Variants in PTCSC3 observed in about 807,000 individuals in gnomAD.
PTCSC3 encodes papillary thyroid carcinoma susceptibility candidate 3 (non-protein coding).
intron 2 of PTCSC3, among the ~76,000 whole-genome samples, chr14:36,159,404 T>TAAC (rs1881904455): frequency 6.6e-6 from 1 of 151,678 alleles, no homozygotes; most frequent in South Asian, 2.1e-4. Context: ...ATTTCCCTCT[T>TAAC]AACACTGTTT....
At chr14:36,148,981 C>T (rs1030561337) in intron 3 of PTCSC3, among the ~76,000 whole-genome samples, 2 of 151,820 alleles carry the variant, frequency 1.3e-5, no homozygotes, top group Non-Finnish European at 2.9e-5. Flanking sequence ...TATTTCTTCC[C>T]CTTTTTCAAT....
chr14:36,163,107 A>G (rs541276064), intron 1 of PTCSC3, among the ~76,000 whole-genome samples: 3 of 151,866 alleles, frequency 2.0e-5, no homozygotes, highest in East Asian at 1.9e-4. Flanking sequence ...AAAAATAGCC[A>G]TGGTAGGTGG....
rs572336100 is a variant in PTCSC3, at chr14:36,137,883, A to G, written n.323-1527T>C. Reference sequence around the variant, plus strand: ...AGATGATGAGTAGATTATTGGCCGTATGAACCTAGAGTTCAGAGGAAGAAT... The same window carrying G: ...AGATGATGAGTAGATTATTGGCCGTGTGAACCTAGAGTTCAGAGGAAGAAT... On this transcript the variant is annotated intron_variant and non_coding_transcript_variant, in intron 3 of 3. Transcript: ENST00000556013. Among the ~76,000 whole-genome samples the G allele has an allele frequency of 6.6e-5, 10 of 152,302 alleles. No homozygotes were observed. The South Asian group carries it at 2.1e-3, about 32-fold the overall frequency.
At chr14:36,134,897 G>T (rs920319459), downstream of PTCSC3, among the ~76,000 whole-genome samples, 3 of 152,170 alleles carry the variant, frequency 2.0e-5, no homozygotes, top group Non-Finnish European at 2.9e-5. Flanking sequence ...CTGTTTATGG[G>T]CAGGGCATCG....
intron 1 of PTCSC3, among the ~76,000 whole-genome samples, chr14:36,166,769 G>A (rs956219839): frequency 6.6e-6 from 1 of 152,132 alleles, no homozygotes; most frequent in Non-Finnish European, 1.5e-5. Flanking sequence ...CAACTGTGCA[G>A]GGATTGCCAA....
At chr14:36,159,083 TG>T (rs1881892244) in intron 2 of PTCSC3, among the ~76,000 whole-genome samples, 1 of 152,150 alleles carries the variant, frequency 6.6e-6, no homozygotes, top group African/African-American at 2.4e-5. Flanking sequence ...TGTATTTCTG[TG>T]GGATCAGTGG....
At chr14:36,143,970 G>T (rs945054760) in intron 3 of PTCSC3, among the ~76,000 whole-genome samples, 188 of 152,218 alleles carry the variant, frequency 1.2e-3, no homozygotes, top group African/African-American at 3.3e-3. Flanking sequence ...GATAGTTGTA[G>T]TTATGTGGCG....
intron 1 of PTCSC3, among the ~76,000 whole-genome samples, chr14:36,166,606 A>T (rs927261087): frequency 6.6e-6 from 1 of 151,886 alleles, no homozygotes; most frequent in African/African-American, 2.4e-5. Context: ...TGTCTGGGAG[A>T]TATTTCCTTT....
At chr14:36,153,655 A>G (rs1881770173) in intron 3 of PTCSC3, 1 of 152,234 alleles carries the variant, frequency 6.6e-6, no homozygotes, top group Non-Finnish European at 1.5e-5. Context: ...GCACCAGAAG[A>G]CACATTCGAG....
upstream of PTCSC3, chr14:36,176,485 T>C (rs1882283368): frequency 1.3e-5 from 2 of 152,048 alleles, no homozygotes; most frequent in African/African-American, 2.4e-5. Flanking sequence ...CCTCTTTCAG[T>C]TATGAATTCT....
intron 2 of PTCSC3, among the ~76,000 whole-genome samples, chr14:36,154,924 TG>T (rs1261839346): frequency 6.6e-6 from 1 of 152,226 alleles, no homozygotes; most frequent in Non-Finnish European, 1.5e-5. Flanking sequence ...GAATTTTTTC[TG>T]TGACATCTTC....
chr14:36,135,997 C>A (rs559031183), downstream of PTCSC3: 1 of 152,380 alleles, frequency 6.6e-6, no homozygotes, highest in South Asian at 2.1e-4. Flanking sequence ...AGGCTGTCTG[C>A]AAGCTGAGGA....
rs114776267 is a variant in PTCSC3, at chr14:36,157,185, T to A, written n.232-3291A>T. Among the ~76,000 whole-genome samples the A allele has an allele frequency of 3.2e-3, 482 of 152,370 alleles. 2 individuals carry two copies. The highest frequency in any genetic ancestry group is 0.011 in the African/African-American group (455 of 41,588). On this transcript the variant is annotated intron_variant and non_coding_transcript_variant, in intron 2 of 3. Transcript: ENST00000556013. ...ACCAGTGATGACGAACTCTTTTTCA[T>A]GTTTTTCGGCTGCATAAATGTCTCC...
chr14:36,137,153 A>T (rs902056569), intron 3 of PTCSC3, among the ~76,000 whole-genome samples: 2 of 152,192 alleles, frequency 1.3e-5, no homozygotes. Flanking sequence ...GCAGAAACAC[A>T]AAGGGAGGAA....
chr14:36,164,591 TTA>T (rs10551813), intron 1 of PTCSC3, among the ~76,000 whole-genome samples: 93,138 of 149,114 alleles, frequency 0.62, 29,257 homozygotes, highest in Non-Finnish European at 0.7. Context: ...GAACTATTTT[TTA>T]TTTTTTATAA....
rs1555330549 is a variant in PTCSC3 at position 36,142,664 on chromosome 14, T to TTTA, written n.323-6311_323-6309dup. On this transcript the variant is annotated intron_variant and non_coding_transcript_variant, in intron 3 of 3. Transcript: ENST00000556013. The stretch of plus-strand genomic sequence containing the variant: ...TTGCTCATTCAATTTCTTTTTTTTT[T>TTTA]TTATTATTATACTTTAAGTTTTAGG... Among the ~76,000 whole-genome samples, 244 of 152,130 alleles carry TTTA rather than the reference T, an allele frequency of 1.6e-3. 1 individual carries two copies. Among genetic ancestry groups the TTTA allele is most frequent in the African/African-American group, 5.7e-3 (238 of 41,504 alleles).
intron 1 of PTCSC3, among the ~76,000 whole-genome samples, chr14:36,166,552 C>T (rs1882090684): frequency 6.6e-6 from 1 of 152,082 alleles, no homozygotes. Flanking sequence ...TCAATAGACT[C>T]ACATCATATA....
At chr14:36,152,899 GA>G (rs34538222) in intron 3 of PTCSC3, among the ~76,000 whole-genome samples, 89,710 of 146,246 alleles carry the variant, frequency 0.61, 27,459 homozygotes, top group Middle Eastern at 0.7. Context: ...ATCTCGAAAG[GA>G]AAAAAAAAAA....
At chr14:36,175,040 C>T (rs1882258544) in intron 1 of PTCSC3, among the ~76,000 whole-genome samples, 1 of 152,154 alleles carries the variant, frequency 6.6e-6, no homozygotes, top group African/African-American at 2.4e-5. Context: ...ATCCAACTCT[C>T]AGTCACTGAT....
Sources: gnomAD v4.1 joint callset for allele counts (sites outside exome capture counted in the v4.1 genomes callset) on GRCh38, gnomAD v4.1.1 for gene constraint, MANE v1.5 for transcripts, NCBI Gene and HGNC (gene_info 2026-07-23, HGNC 2026-07-21) for gene names.